The following LINGO2 variants were observed in gnomAD, a reference collection of about 807,000 sequenced individuals.
LINGO2 encodes leucine rich repeat and Ig domain containing 2, also known as leucine-rich repeat and immunoglobulin-like domain-containing nogo receptor-interacting protein 2.
A neutral mutation model predicts 30.6 loss-of-function variants in LINGO2; 14 were observed. That is an observed-to-expected ratio of 0.46 (90% CI 0.30 to 0.72). The LOEUF (loss-of-function observed/expected upper bound fraction) is 0.72. Among genes scored for constraint, LINGO2 ranks in the 30% least tolerant of loss-of-function variants. The probability of loss-of-function intolerance (pLI) is 0.07; values close to 1 mark genes in which losing one functional copy is unlikely to be tolerated. For synonymous variants in LINGO2, 317 were observed against 288.5 expected (o/e 1.10, Z -1.00); for missense variants, 729 against 751.7 (o/e 0.97, Z 0.35).
intron 3 of LINGO2, among the ~76,000 whole-genome samples, chr9:28,335,342 C>T (rs974821441): frequency 3.9e-5 from 6 of 152,142 alleles, no homozygotes; most frequent in African/African-American, 1.4e-4. Flanking sequence ...CTTCACAGAA[C>T]CCTCCAGGGA....
At chr9:29,117,361 G>A in the LINGO2 span, among the ~76,000 whole-genome samples, 11 of 152,150 alleles carry the variant, frequency 7.2e-5, no homozygotes, top group South Asian at 2.1e-4. Context: ...GTGTAAGCAC[G>A]TATTTCCACC....
the LINGO2 span, among the ~76,000 whole-genome samples, chr9:28,799,502 A>G: frequency 6.6e-6 from 1 of 152,260 alleles, no homozygotes; most frequent in South Asian, 2.1e-4. Flanking sequence ...GAAAAGATCA[A>G]GTTATCCAAT....
At chr9:28,210,447 G>A (rs1353062391) in intron 4 of LINGO2, among the ~76,000 whole-genome samples, 1 of 151,576 alleles carries the variant, frequency 6.6e-6, no homozygotes, top group Admixed American at 6.6e-5. Flanking sequence ...AATAAAGAAT[G>A]ACTTGGCTTT....
chr9:29,030,057 T>A, the LINGO2 span, among the ~76,000 whole-genome samples: 141 of 152,126 alleles, frequency 9.3e-4, no homozygotes, highest in African/African-American at 3.2e-3. Flanking sequence ...GTGTTATCTT[T>A]CAGGAAAAAA....
At chr9:28,637,676 C>G (rs1381637125) in intron 1 of LINGO2, among the ~76,000 whole-genome samples, 1 of 152,110 alleles carries the variant, frequency 6.6e-6, no homozygotes, top group East Asian at 1.9e-4. Context: ...GATTTTGAAT[C>G]CTGAGACTTT....
intron 4 of LINGO2, among the ~76,000 whole-genome samples, chr9:28,111,380 G>A (rs1265094897): frequency 1.3e-5 from 2 of 151,762 alleles, no homozygotes; most frequent in African/African-American, 4.8e-5. Context: ...TTCTGCACAT[G>A]TATCCCAGAA....
chr9:29,116,609 G>A, the LINGO2 span, among the ~76,000 whole-genome samples: 9 of 151,324 alleles, frequency 5.9e-5, no homozygotes, highest in Admixed American at 5.9e-4. Flanking sequence ...AATCTCTGTA[G>A]AAGTACAGTG....
chr9:28,692,782 A>G, the LINGO2 span, among the ~76,000 whole-genome samples: 1 of 152,136 alleles, frequency 6.6e-6, no homozygotes, highest in Admixed American at 6.6e-5. Context: ...TGGAGTTTCC[A>G]TCTTAGTCAC....
chr9:28,230,098 G>A (rs975167019), intron 4 of LINGO2, among the ~76,000 whole-genome samples: 2 of 151,726 alleles, frequency 1.3e-5, no homozygotes, highest in South Asian at 2.1e-4. Context: ...AACTATCAAC[G>A]TCACATTTAT....
chr9:28,496,900 T>A (rs1819653619), intron 1 of LINGO2, among the ~76,000 whole-genome samples: 1 of 152,218 alleles, frequency 6.6e-6, no homozygotes, highest in South Asian at 2.1e-4. Context: ...AAGGATTTTA[T>A]TTCTCCTTCT....
the LINGO2 span, among the ~76,000 whole-genome samples, chr9:28,933,209 C>T: frequency 6.6e-6 from 1 of 152,004 alleles, no homozygotes. Flanking sequence ...GCCCAGCCTA[C>T]TTATCTCATT....
the LINGO2 span, among the ~76,000 whole-genome samples, chr9:28,727,613 AC>A: frequency 6.4e-3 from 969 of 152,116 alleles, 24 homozygotes; most frequent in East Asian, 0.036. Flanking sequence ...TACTTTTGTC[AC>A]CACTGGTCTT....
At chr9:28,747,616 C>T in the LINGO2 span, among the ~76,000 whole-genome samples, 9 of 152,076 alleles carry the variant, frequency 5.9e-5, no homozygotes, top group African/African-American at 7.3e-5. Context: ...TGCACCTGCC[C>T]GTCTGCATGC....
the LINGO2 span, among the ~76,000 whole-genome samples, chr9:28,789,601 A>G: frequency 6.6e-6 from 1 of 152,204 alleles, no homozygotes; most frequent in Non-Finnish European, 1.5e-5. Context: ...TGTCATGAAT[A>G]GTGAGGTCTA....
chr9:29,092,714 A>G, the LINGO2 span, among the ~76,000 whole-genome samples: 1 of 137,216 alleles, frequency 7.3e-6, no homozygotes, highest in Non-Finnish European at 1.6e-5. Flanking sequence ...GTTAGCATTT[A>G]AAGTTCAAAG....
intron 1 of LINGO2, among the ~76,000 whole-genome samples, chr9:28,495,997 T>C (rs1011604419): frequency 5.3e-5 from 8 of 152,120 alleles, no homozygotes; most frequent in Non-Finnish European, 1.2e-4. Context: ...ACCTGAGTTC[T>C]AGTTTGATTG....
At chr9:28,739,023 G>C in the LINGO2 span, among the ~76,000 whole-genome samples, 2 of 151,850 alleles carry the variant, frequency 1.3e-5, no homozygotes, top group African/African-American at 4.8e-5. Context: ...AACATTTCTA[G>C]GTTCTAATTG....
chr9:28,267,576 C>T (rs996966566), intron 4 of LINGO2, among the ~76,000 whole-genome samples: 11 of 151,942 alleles, frequency 7.2e-5, no homozygotes, highest in Non-Finnish European at 1.2e-4. Flanking sequence ...TTTTCCACTT[C>T]GGTGCCTTTG....
intron 1 of LINGO2, among the ~76,000 whole-genome samples, chr9:28,566,704 T>A (rs889045147): frequency 1.3e-5 from 2 of 152,288 alleles, no homozygotes; most frequent in African/African-American, 4.8e-5. Context: ...ATGAAAGTAG[T>A]TTGTAACAAA....
Sources: allele counts gnomAD v4.1 joint callset (sites outside exome capture counted in the v4.1 genomes callset), GRCh38; gene constraint gnomAD v4.1.1; transcripts MANE v1.5; gene names NCBI Gene and HGNC (gene_info 2026-07-23, HGNC 2026-07-21).